Variants in CSMD3 observed in about 807,000 individuals in gnomAD.
The protein encoded by CSMD3 is CUB and Sushi multiple domains 3.
Under a neutral mutation model 435.2 loss-of-function variants are expected in CSMD3, and 177 were observed. The ratio of observed to expected loss-of-function variants is 0.41; its 90% confidence interval spans 0.36 to 0.46. CSMD3 has a LOEUF of 0.46. CSMD3 is among the 20% of genes least tolerant of loss of function. CSMD3 has a pLI of 0.34. For synonymous variants in CSMD3, 1,656 were observed against 1,520.5 expected (o/e 1.09, Z -2.07); for missense variants, 4,265 against 4,504.6 (o/e 0.95, Z 1.52).
intron 68 of CSMD3, among the ~76,000 whole-genome samples, chr8:112,232,596 G>A (rs1813194641): frequency 6.6e-6 from 1 of 152,114 alleles, no homozygotes; most frequent in African/African-American, 2.4e-5. Context: ...GCAACAGAGT[G>A]AGACTCTGCT....
chr8:113,320,769 T>C (rs1790698593), intron 1 of CSMD3, among the ~76,000 whole-genome samples: 1 of 152,148 alleles, frequency 6.6e-6, no homozygotes, highest in African/African-American at 2.4e-5. Flanking sequence ...ACTCCTTTAC[T>C]AAATTTCTGT....
At chr8:112,827,551 A>C (rs146582499) in intron 12 of CSMD3, among the ~76,000 whole-genome samples, 2 of 152,172 alleles carry the variant, frequency 1.3e-5, no homozygotes, top group African/African-American at 2.4e-5. Flanking sequence ...TCTAAAGTGC[A>C]TGTGATAGGA....
At chr8:112,319,751 T>C in intron 46 of CSMD3, 150 bp downstream of exon 46, 6 of 683,086 alleles carry the variant, frequency 8.8e-6, no homozygotes, top group Non-Finnish European at 1.6e-5. Flanking sequence ...TTTCACTCCT[T>C]CTCCCTTCTT....
At chr8:112,773,394 A>G (rs975772471) in intron 13 of CSMD3, among the ~76,000 whole-genome samples, 7 of 152,192 alleles carry the variant, frequency 4.6e-5, no homozygotes, top group African/African-American at 1.4e-4. Flanking sequence ...ACCTGGTACA[A>G]TCACTCTGAG....
chr8:113,032,987 G>T (rs2087183490), intron 5 of CSMD3, among the ~76,000 whole-genome samples: 1 of 151,578 alleles, frequency 6.6e-6, no homozygotes, highest in Non-Finnish European at 1.5e-5. Flanking sequence ...ATCCTTGGTG[G>T]CTTCCACGTG....
At chr8:113,047,608 A>G (rs1441802263) in intron 5 of CSMD3, among the ~76,000 whole-genome samples, 1 of 152,208 alleles carries the variant, frequency 6.6e-6, no homozygotes, top group Admixed American at 6.5e-5. Context: ...TTAATTGGAA[A>G]CTTTTTACAA....
chr8:112,997,741 T>G (rs2085708368), intron 6 of CSMD3, among the ~76,000 whole-genome samples: 1 of 151,492 alleles, frequency 6.6e-6, no homozygotes, highest in Non-Finnish European at 1.5e-5. Flanking sequence ...GTTCTCACAA[T>G]AAGGTAAACT....
chr8:113,317,806 C>T (rs2093921109), intron 1 of CSMD3, among the ~76,000 whole-genome samples: 1 of 152,018 alleles, frequency 6.6e-6, no homozygotes, highest in Non-Finnish European at 1.5e-5. Flanking sequence ...TATTATTTTT[C>T]AAGTGATGTC....
intron 35 of CSMD3, among the ~76,000 whole-genome samples, chr8:112,397,945 G>C (rs1353204306): frequency 6.6e-6 from 1 of 152,164 alleles, no homozygotes; most frequent in Non-Finnish European, 1.5e-5. Context: ...TAAATATCAT[G>C]TCAATCACAT....
At chr8:112,747,104 C>G (rs979265621) in intron 13 of CSMD3, among the ~76,000 whole-genome samples, 2 of 147,106 alleles carry the variant, frequency 1.4e-5, no homozygotes, top group Non-Finnish European at 3.0e-5. Context: ...ACTCTTTCCT[C>G]TAGTTCATTA....
Position 113,164,794 on chromosome 8 carries a change from A to G in CSMD3, c.709+8928T>C, listed in dbSNP as rs572321218. Among the ~76,000 whole-genome samples the G allele has an allele frequency of 8.7e-4, 133 of 152,230 alleles. 1 individual carries two copies. The highest frequency in any genetic ancestry group is 3.1e-3 in the African/African-American group (129 of 41,554). On this transcript the variant is annotated intron_variant, in intron 4 of 70. Coordinates refer to ENST00000297405, the MANE Select transcript of CSMD3 (RefSeq NM_198123.2). ...AGGAAAAAAAAGAGAACAAGACCAA[A>G]AGTGTACAAAGTATCCCTCCCCAGT...
At chr8:113,381,691 CA>C (rs1198262338) in intron 1 of CSMD3, among the ~76,000 whole-genome samples, 1 of 151,788 alleles carries the variant, frequency 6.6e-6, no homozygotes, top group African/African-American at 2.4e-5. Flanking sequence ...GTAAGAAACA[CA>C]TTAATAAGAT....
intron 13 of CSMD3, among the ~76,000 whole-genome samples, chr8:112,745,997 C>A (rs2077417475): frequency 1.3e-5 from 2 of 152,038 alleles, no homozygotes; most frequent in African/African-American, 2.4e-5. Flanking sequence ...TATGATCAAA[C>A]GGCAGTTGAC....
intron 22 of CSMD3, among the ~76,000 whole-genome samples, chr8:112,593,376 A>G (rs552601258): frequency 6.6e-6 from 1 of 152,294 alleles, no homozygotes; most frequent in East Asian, 1.9e-4. Context: ...GGAAGAGGAG[A>G]TGCCAAAGTA....
chr8:112,485,483 T>G (rs2130817361), intron 31 of CSMD3, among the ~76,000 whole-genome samples: 1 of 152,264 alleles, frequency 6.6e-6, no homozygotes, highest in South Asian at 2.1e-4. Flanking sequence ...TATGCATTGA[T>G]AATGGAATGA....
At chr8:112,516,918 T>C (rs1823725475) in intron 28 of CSMD3, 116 bp downstream of exon 28, 3 of 784,236 alleles carry the variant, frequency 3.8e-6, no homozygotes, top group Non-Finnish European at 4.2e-6. Context: ...AATAATCCTC[T>C]GAAATCTTAG....
chr8:113,326,614 TTTATCTATAAA>T (rs1253771605), intron 1 of CSMD3, among the ~76,000 whole-genome samples: 1 of 152,156 alleles, frequency 6.6e-6, no homozygotes, highest in Non-Finnish European at 1.5e-5. Context: ...GTGTAAGTGT[TTTATCTATAAA>T]ACTTATTAGT....
chr8:113,173,846 G>A lies in CSMD3; in HGVS notation c.585C>T (p.Asp195=), dbSNP rs151216366. ...PKGVLYGTRF[D]VGDKIRYSCV... The stretch of plus-strand genomic sequence containing the variant: ...AGCTGTAGCGGATCTTGTCCCCGAC[G>A]TCGAATCTTGTGCCATATAATACAC... Residue 195 remains aspartate, a synonymous_variant, in exon 4 of 71, where the codon GAC becomes GAT. Coordinates refer to ENST00000297405, the MANE Select transcript of CSMD3 (RefSeq NM_198123.2). 3.6e-5 allele frequency: 58 copies of A among 1,613,706 alleles called. No individual in the cohort carries two copies. Among genetic ancestry groups the A allele is most frequent in the African/African-American group, 9.3e-5 (7 of 74,900 alleles).
chr8:112,713,434 A>T (rs1012921971), intron 13 of CSMD3, among the ~76,000 whole-genome samples: 10 of 151,912 alleles, frequency 6.6e-5, no homozygotes, highest in Non-Finnish European at 1.5e-4. Context: ...ATGTAAAAAG[A>T]CCGAACCTAC....
Sources: allele counts gnomAD v4.1 joint callset (sites outside exome capture counted in the v4.1 genomes callset), GRCh38; gene constraint gnomAD v4.1.1; transcripts MANE v1.5; gene names NCBI Gene and HGNC (gene_info 2026-07-23, HGNC 2026-07-21).